ALOX5: variants seen among roughly 807,000 people sequenced by gnomAD.
The protein encoded by ALOX5 is polyunsaturated fatty acid 5-lipoxygenase.
A neutral mutation model predicts 87.9 loss-of-function variants in ALOX5; 64 were observed. The ratio of observed to expected loss-of-function variants is 0.73; its 90% CI spans 0.60 to 0.90. ALOX5 has a LOEUF of 0.90. Among genes scored for constraint, ALOX5 ranks in the 40% least tolerant of loss-of-function variants. The probability of loss-of-function intolerance (pLI) is 0.00; values close to 1 mark genes in which losing one functional copy is unlikely to be tolerated. For synonymous variants in ALOX5, 388 were observed against 355.1 expected (o/e 1.09, Z -1.04); for missense variants, 822 against 907.5 (o/e 0.91, Z 1.21).
intron 6 of ALOX5, among the ~76,000 whole-genome samples, chr10:45,426,874 C>A (rs1841722768): frequency 6.6e-6 from 1 of 152,162 alleles, no homozygotes; most frequent in African/African-American, 2.4e-5. Context: ...GATTTACCTT[C>A]CACCAGCTTA....
At chr10:45,417,876 GC>G (rs965277252) in intron 4 of ALOX5, among the ~76,000 whole-genome samples, 1 of 152,154 alleles carries the variant, frequency 6.6e-6, no homozygotes, top group Non-Finnish European at 1.5e-5. Flanking sequence ...TGGGTGAGGG[GC>G]CCCTTCTTGC....
In ALOX5 at chr10:45,444,275, C is replaced by T; in HGVS notation, c.1834C>T (p.Gln612Ter). The stretch of plus-strand genomic sequence containing the variant: ...TGCAGTGTGGGCGCTGAGCCAGTTC[C>T]AGGAAAACGAGGTGAAGCTGGGCAG... ...LGAVWALSQF[Q>*]ENELFLGMYP... Residue 612 changes from glutamine to a stop codon, truncating the protein, a stop_gained, in exon 13 of 14, where the codon CAG (glutamine) becomes TAG (stop). Coordinates refer to ENST00000374391, the MANE Select transcript of ALOX5 (RefSeq NM_000698.5). LOFTEE classifies it high-confidence loss of function. 6.4e-7 allele frequency: 1 copy of T among 1,553,954 alleles called. No homozygotes were observed. Among genetic ancestry groups the T allele is most frequent in the Non-Finnish European group, 8.7e-7 (1 of 1,148,688 alleles).
At chr10:45,442,251 G>A (rs1239029984) in intron 9 of ALOX5, among the ~76,000 whole-genome samples, 3 of 152,104 alleles carry the variant, frequency 2.0e-5, no homozygotes, top group African/African-American at 7.2e-5. Flanking sequence ...CTGCAGACAG[G>A]CCCCCATGGG....
chr10:45,391,538 C>T (rs2132703338), intron 2 of ALOX5, among the ~76,000 whole-genome samples: 2 of 152,190 alleles, frequency 1.3e-5, no homozygotes, highest in African/African-American at 4.8e-5. Context: ...TGAGGAGCGT[C>T]TCTGCCTGGC....
intron 7 of ALOX5, among the ~76,000 whole-genome samples, chr10:45,437,378 G>A (rs1387296310): frequency 2.0e-5 from 3 of 152,066 alleles, no homozygotes; most frequent in Non-Finnish European, 4.4e-5. Context: ...ACTGATTTTT[G>A]TACACTGATT....
intron 7 of ALOX5, among the ~76,000 whole-genome samples, chr10:45,436,975 A>T (rs1842078284): frequency 6.6e-6 from 1 of 151,952 alleles, no homozygotes; most frequent in South Asian, 2.1e-4. Context: ...TATTTTGTGT[A>T]TGGGGGACTA....
intron 7 of ALOX5, among the ~76,000 whole-genome samples, chr10:45,434,728 G>A (rs1226799585): frequency 1.3e-5 from 2 of 152,230 alleles, no homozygotes; most frequent in Admixed American, 1.3e-4. Flanking sequence ...CACCAGGTAG[G>A]AACACAGTGA....
intron 13 of ALOX5, 146 bp downstream of exon 13, chr10:45,444,432 A>AGCC (rs1842367055): frequency 7.1e-6 from 8 of 1,128,136 alleles, no homozygotes; most frequent in Non-Finnish European, 8.5e-6. Flanking sequence ...AGAAGGCTGC[A>AGCC]GCCGCCACCA....
At chr10:45,392,122 G>A (rs186846881) in intron 2 of ALOX5, among the ~76,000 whole-genome samples, 12,663 of 151,580 alleles carry the variant, frequency 0.084, 1,849 homozygotes, top group African/African-American at 0.29. Context: ...TGCCCCGTCC[G>A]GGAGGTGAGG....
At chr10:45,437,925 T>A (rs1842106213) in intron 7 of ALOX5, among the ~76,000 whole-genome samples, 1 of 152,246 alleles carries the variant, frequency 6.6e-6, no homozygotes, top group Non-Finnish European at 1.5e-5. Context: ...TAAAATTGGC[T>A]TGCTAAAAAA....
At chr10:45,424,266 T>G in intron 5 of ALOX5, 119 bp downstream of exon 5, 4 of 792,686 alleles carry the variant, frequency 5.0e-6, no homozygotes, top group Non-Finnish European at 8.7e-6. Flanking sequence ...GGGGCCTCGC[T>G]GCCACCATGC....
chr10:45,418,122 C>A (rs1223421789), intron 4 of ALOX5, among the ~76,000 whole-genome samples: 1 of 152,232 alleles, frequency 6.6e-6, no homozygotes, highest in East Asian at 1.9e-4. Flanking sequence ...CCACTCTGAG[C>A]ACCGCCTCTG....
intron 6 of ALOX5, chr10:45,428,315 T>C: frequency 2.1e-6 from 1 of 467,384 alleles, no homozygotes; most frequent in South Asian, 3.7e-5. Flanking sequence ...ACCTCTTTCT[T>C]CTTAGTAAAC....
intron 2 of ALOX5, among the ~76,000 whole-genome samples, chr10:45,386,840 A>G (rs1429473230): frequency 1.3e-5 from 2 of 152,112 alleles, no homozygotes; most frequent in South Asian, 2.1e-4. Context: ...TGGTCATGAT[A>G]TGACCTCATC....
intron 4 of ALOX5, among the ~76,000 whole-genome samples, chr10:45,414,988 G>A (rs1841221764): frequency 6.6e-6 from 1 of 152,222 alleles, no homozygotes; most frequent in Non-Finnish European, 1.5e-5. Flanking sequence ...CTGTTGGTGG[G>A]ACTGTAAACT....
At chr10:45,380,011 C>T (rs1015455983) in intron 1 of ALOX5, among the ~76,000 whole-genome samples, 15 of 152,134 alleles carry the variant, frequency 9.9e-5, no homozygotes, top group South Asian at 2.1e-4. Flanking sequence ...GGGGCAGGCC[C>T]GACGCGTATC....
chr10:45,374,502 T>G (rs1277393182), intron 1 of ALOX5, 73 bp downstream of exon 1: 1 of 1,309,830 alleles, frequency 7.6e-7, no homozygotes, highest in African/African-American at 1.6e-5. Flanking sequence ...GGCAGAGGCC[T>G]GGGCGGGGGC....
chr10:45,383,336 A>C (rs962879863), intron 2 of ALOX5, among the ~76,000 whole-genome samples: 1 of 152,262 alleles, frequency 6.6e-6, no homozygotes, highest in Non-Finnish European at 1.5e-5. Flanking sequence ...CTGACCTGGT[A>C]CAGAGCATCA....
At chr10:45,400,426 C>A (rs1403018219) in intron 3 of ALOX5, among the ~76,000 whole-genome samples, 1 of 151,956 alleles carries the variant, frequency 6.6e-6, no homozygotes, top group African/African-American at 2.4e-5. Context: ...ATGGTGAAAC[C>A]CCATGTCTAC....
Sources: allele counts gnomAD v4.1 joint callset (sites outside exome capture counted in the v4.1 genomes callset), GRCh38; gene constraint gnomAD v4.1.1; transcripts MANE v1.5; gene names NCBI Gene and HGNC (gene_info 2026-07-23, HGNC 2026-07-21).